Variants in HDAC9 observed in about 807,000 individuals in gnomAD.
HDAC9 encodes the protein MEF-2 interacting transcription repressor (MITR) protein.
In HDAC9, 41 loss-of-function variants were observed where a neutral mutation model predicts 139.4. The ratio of observed to expected loss-of-function variants is 0.29; its 90% confidence interval spans 0.23 to 0.38. The LOEUF (loss-of-function observed/expected upper bound fraction) is 0.38. Among genes scored for constraint, HDAC9 ranks in the 10% least tolerant of loss-of-function variants. The probability of loss-of-function intolerance (pLI) is 1.00; values close to 1 mark genes in which losing one functional copy is unlikely to be tolerated. For synonymous variants in HDAC9, 517 were observed against 476.2 expected (o/e 1.09, Z -1.12); for missense variants, 1,147 against 1,297.0 (o/e 0.88, Z 1.78).
Position 18,602,597 on chromosome 7 carries a change from T to C in HDAC9, c.664+8568T>C, listed in dbSNP as rs994102795. Among the ~76,000 whole-genome samples the C allele has an allele frequency of 5.3e-5, 8 of 152,070 alleles. No homozygotes were observed. In the East Asian group the frequency reaches 1.5e-3, roughly 29 times the overall value. On this transcript the variant is annotated intron_variant, in intron 6 of 25. Transcript: ENST00000686413. ...ATATACACAATGCTATAAATTTGCC[T>C]CTAGGCACTGCTTTTACAGCATCCC...
At chr7:18,337,058 A>G (rs1051547327) in intron 1 of HDAC9, among the ~76,000 whole-genome samples, 1 of 151,644 alleles carries the variant, frequency 6.6e-6, no homozygotes, top group Non-Finnish European at 1.5e-5. Context: ...TTTATATCAG[A>G]AACAGTGATA....
chr7:18,943,519 A>G (rs1018519291), intron 23 of HDAC9, among the ~76,000 whole-genome samples: 4 of 152,094 alleles, frequency 2.6e-5, no homozygotes, highest in African/African-American at 9.6e-5. Flanking sequence ...GCATCATGGA[A>G]ATTATGGGAT....
At chr7:18,922,948 G>A (rs537946839) in intron 22 of HDAC9, among the ~76,000 whole-genome samples, 1 of 152,166 alleles carries the variant, frequency 6.6e-6, no homozygotes, top group South Asian at 2.1e-4. Context: ...TGTCTCCTAA[G>A]AGAAGTAATG....
chr7:18,727,760 A>G lies in HDAC9; in HGVS notation c.1909+3A>G. 6.6e-7 allele frequency: 1 copy of G among 1,511,972 alleles called. No individual in the cohort carries two copies. The allele number at this position is 1,511,972 out of a possible 1,614,324, so 93.7% of individuals were successfully genotyped here. A position where few individuals can be genotyped will look rare whatever the true frequency, so the allele number is the denominator to read the frequency against. The stretch of plus-strand genomic sequence containing the variant: ...CCTCCAGCCTGGCTCTGCAACTGGT[A>G]GGAATCCCTAAAGACTCTCTCTAAT... On this transcript the variant is annotated splice_donor_region_variant and intron_variant, in intron 13 of 25. Transcript: ENST00000686413.
At chr7:18,555,726 T>A (rs1171526561) in intron 2 of HDAC9, among the ~76,000 whole-genome samples, 3 of 152,084 alleles carry the variant, frequency 2.0e-5, no homozygotes, top group Admixed American at 1.3e-4. Context: ...CATTTACAGA[T>A]GTAATAATAA....
intron 1 of HDAC9, among the ~76,000 whole-genome samples, chr7:18,153,156 A>C (rs1562681720): frequency 6.6e-6 from 1 of 152,198 alleles, no homozygotes; most frequent in Non-Finnish European, 1.5e-5. Flanking sequence ...AATCAATTGC[A>C]AGGGATTCTG....
At chr7:18,172,489 C>T (rs1788529793) in intron 2 of HDAC9, among the ~76,000 whole-genome samples, 1 of 152,160 alleles carries the variant, frequency 6.6e-6, no homozygotes, top group Non-Finnish European at 1.5e-5. Context: ...TTGCCTTCTG[C>T]TACCTTTTCA....
chr7:18,514,642 T>G (rs1802594102), intron 2 of HDAC9, among the ~76,000 whole-genome samples: 1 of 152,218 alleles, frequency 6.6e-6, no homozygotes, highest in Admixed American at 6.5e-5. Context: ...TTTATTTTAA[T>G]CAAAATAATT....
rs185708154 is a variant in HDAC9, at chr7:18,779,395, A to G, written c.2214+12240A>G. On this transcript the variant is annotated intron_variant, in intron 16 of 25. Coordinates refer to ENST00000686413, the MANE Select transcript of HDAC9 (RefSeq NM_178425.4). Reference sequence around the variant, plus strand: ...AGCTGATTGAAAAAGAATGCAATAAAGAATATCAGAGGTTCTCAGACCAGA... The same window carrying G: ...AGCTGATTGAAAAAGAATGCAATAAGGAATATCAGAGGTTCTCAGACCAGA... Among the ~76,000 whole-genome samples, 3 of 152,184 alleles carry G rather than the reference A, an allele frequency of 2.0e-5. No homozygotes were observed. The East Asian group carries it at 5.8e-4, about 30-fold the overall frequency.
chr7:18,358,897 G>C (rs1017117636), intron 1 of HDAC9, among the ~76,000 whole-genome samples: 2 of 152,192 alleles, frequency 1.3e-5, no homozygotes, highest in Non-Finnish European at 2.9e-5. Flanking sequence ...TTTATGCAAA[G>C]TACCTGTCAC....
intron 2 of HDAC9, among the ~76,000 whole-genome samples, chr7:18,220,414 T>C (rs988533282): frequency 1.3e-5 from 2 of 152,160 alleles, no homozygotes; most frequent in Non-Finnish European, 2.9e-5. Flanking sequence ...ATAGATGTGA[T>C]GAATTCTGTG....
intron 2 of HDAC9, among the ~76,000 whole-genome samples, chr7:18,235,044 A>G (rs530233916): frequency 6.6e-6 from 1 of 152,276 alleles, no homozygotes; most frequent in South Asian, 2.1e-4. Context: ...GCTCTTGTTC[A>G]GATTCTTCTT....
chr7:18,617,245 C>G (rs1838878510), intron 6 of HDAC9, among the ~76,000 whole-genome samples: 1 of 152,102 alleles, frequency 6.6e-6, no homozygotes, highest in African/African-American at 2.4e-5. Flanking sequence ...TCTTCCTACC[C>G]TCTAAAAGAG....
At position 19,001,817 on chromosome 7, in the gene HDAC9, T is replaced by G. The variant is rs2097800160; in HGVS notation, c.*5755T>G. 1 of 152,060 alleles carries G rather than the reference T, an allele frequency of 6.6e-6. No individual in the cohort carries two copies. Among genetic ancestry groups the G allele is most frequent in the African/African-American group, 2.4e-5 (1 of 41,428 alleles). The allele number at this position is 152,060 out of a possible 1,614,324, so 9.4% of individuals were successfully genotyped here. A position where few individuals can be genotyped will look rare whatever the true frequency, so the allele number is the denominator to read the frequency against. On this transcript the variant is annotated 3_prime_UTR_variant, in exon 26 of 26. Coordinates refer to ENST00000686413, the MANE Select transcript of HDAC9 (RefSeq NM_178425.4). Reference sequence around the variant, plus strand: ...TGTAGGTTACAGCCTCAGCAATCTGTGTCATTTGAAAGCAAATATCCTGAT... The same window carrying G: ...TGTAGGTTACAGCCTCAGCAATCTGGGTCATTTGAAAGCAAATATCCTGAT...
chr7:18,840,452 G>T (rs1441545803), intron 21 of HDAC9, among the ~76,000 whole-genome samples: 1 of 152,012 alleles, frequency 6.6e-6, no homozygotes, highest in Non-Finnish European at 1.5e-5. Flanking sequence ...CTGAAAAGGG[G>T]ACTTTGAGAG....
intron 2 of HDAC9, among the ~76,000 whole-genome samples, chr7:18,213,720 A>G (rs989443415): frequency 6.6e-6 from 1 of 152,182 alleles, no homozygotes; most frequent in Non-Finnish European, 1.5e-5. Context: ...ATGTGAAACT[A>G]TCAATTCTTC....
intron 2 of HDAC9, among the ~76,000 whole-genome samples, chr7:18,259,040 G>T (rs539008024): frequency 1.4e-5 from 2 of 139,098 alleles, no homozygotes; most frequent in South Asian, 4.6e-4. Context: ...CATGATCTTG[G>T]CTCCCTGCAA....
intron 12 of HDAC9, among the ~76,000 whole-genome samples, chr7:18,716,996 T>A (rs1045779736): frequency 1.1e-4 from 16 of 148,932 alleles, no homozygotes; most frequent in African/African-American, 4.1e-4. Context: ...AGCACTTTTT[T>A]TTTTTTTTTT....
At chr7:18,881,393 G>A (rs1382343594) in intron 22 of HDAC9, among the ~76,000 whole-genome samples, 1 of 152,008 alleles carries the variant, frequency 6.6e-6, no homozygotes, top group Non-Finnish European at 1.5e-5. Context: ...TCTTTATCAA[G>A]GTGCAGATAC....
Sources: gnomAD v4.1 joint callset for allele counts (sites outside exome capture counted in the v4.1 genomes callset) on GRCh38, gnomAD v4.1.1 for gene constraint, MANE v1.5 for transcripts, NCBI Gene and HGNC (gene_info 2026-07-23, HGNC 2026-07-21) for gene names.